The following NRG1 variants were observed in gnomAD, a reference collection of about 807,000 sequenced individuals.
The protein encoded by NRG1 is neuregulin 1.
In NRG1, 18 loss-of-function variants were observed where a neutral mutation model predicts 63.8. The observed-to-expected ratio is 0.28, with a 90% CI of 0.19 to 0.42. The LOEUF is 0.42. Among genes scored for constraint, NRG1 ranks in the 10% least tolerant of loss-of-function variants. NRG1 has a pLI of 1.00. For synonymous variants in NRG1, 302 were observed against 301.3 expected, an observed-to-expected ratio of 1.00 and a Z score of -0.02; for missense variants, 762 against 814.7, an observed-to-expected ratio of 0.94 and a Z score of 0.79.
At chr8:32,495,111 C>G (rs1254745518) in intron 1 of NRG1, among the ~76,000 whole-genome samples, 1 of 152,148 alleles carries the variant, frequency 6.6e-6, no homozygotes, top group African/African-American at 2.4e-5. Context: ...CTAATAATTA[C>G]AGTTAACAGT....
Position 32,761,555 on chromosome 8 carries a change from C to T in NRG1, c.1259+1149C>T, listed in dbSNP as rs149551529. 8.5e-3 allele frequency among the ~76,000 whole-genome samples: 1,156 copies of T among 136,176 alleles called. 10 individuals are homozygous for T. Among genetic ancestry groups the T allele is most frequent in the African/African-American group, 0.029 (1,059 of 36,640 alleles). 89.3% of individuals were successfully genotyped at this position (136,176 alleles called of 152,430 possible). A position where few individuals can be genotyped will look rare whatever the true frequency, so the allele number is the denominator to read the frequency against. ...GCTATTACCTGTTTGTTTGCAAGTC[C>T]GCTGAATTTTATTTTATTTTATTTT... On this transcript the variant is annotated intron_variant, in intron 11 of 11. Coordinates refer to ENST00000356819, the Ensembl canonical transcript of NRG1.
At chr8:31,875,100 C>G (rs1260355443) in intron 1 of NRG1, among the ~76,000 whole-genome samples, 2 of 152,136 alleles carry the variant, frequency 1.3e-5, no homozygotes, top group Admixed American at 6.6e-5. Flanking sequence ...AGCTGCCTTT[C>G]CCCTAATTTC....
exon 5 of NRG1, chr8:32,616,835 A>T: frequency 6.2e-7 from 1 of 1,602,094 alleles, no homozygotes; most frequent in Non-Finnish European, 8.6e-7. Flanking sequence ...TGTTTTATAG[A>T]GTCTCCCATT....
intron 5 of NRG1, among the ~76,000 whole-genome samples, chr8:32,649,652 G>T (rs949082844): frequency 6.6e-6 from 1 of 152,150 alleles, no homozygotes; most frequent in Non-Finnish European, 1.5e-5. Flanking sequence ...AGAAAAACTT[G>T]ATTTGTGCTT....
At chr8:32,690,716 A>T (rs1811363029) in intron 5 of NRG1, among the ~76,000 whole-genome samples, 1 of 151,370 alleles carries the variant, frequency 6.6e-6, no homozygotes, top group South Asian at 2.1e-4. Flanking sequence ...ATACACACAT[A>T]GTTTTTTTTT....
At chr8:32,764,190 A>C in exon 12 of NRG1, 1 of 1,614,164 alleles carries the variant, frequency 6.2e-7, no homozygotes, top group Non-Finnish European at 8.5e-7. Flanking sequence ...CTCCCAGAGC[A>C]GTAACTCAGA....
intron 1 of NRG1, among the ~76,000 whole-genome samples, chr8:32,579,527 C>T (rs544122997): frequency 6.6e-6 from 1 of 152,226 alleles, no homozygotes; most frequent in African/African-American, 2.4e-5. Flanking sequence ...TCTGTGATCC[C>T]TTTGGTATGG....
At chr8:32,274,602 G>A (rs1851896307) in intron 1 of NRG1, among the ~76,000 whole-genome samples, 1 of 152,020 alleles carries the variant, frequency 6.6e-6, no homozygotes, top group Non-Finnish European at 1.5e-5. Context: ...TAATGATTCT[G>A]CCTGCTACAT....
At chr8:32,760,707 G>A in intron 11 of NRG1, 1 of 1,158,914 alleles carries the variant, frequency 8.6e-7, no homozygotes, top group South Asian at 2.5e-5. Context: ...GACCCACTCG[G>A]GGTCTCAGTG....
At chr8:32,626,537 G>A in intron 5 of NRG1, among the ~76,000 whole-genome samples, 1 of 151,998 alleles carries the variant, frequency 6.6e-6, no homozygotes, top group Non-Finnish European at 1.5e-5. Context: ...AAAATTAGCT[G>A]GGCATGGTGG....
intron 1 of NRG1, among the ~76,000 whole-genome samples, chr8:32,116,344 C>T (rs574785503): frequency 2.0e-5 from 3 of 152,084 alleles, no homozygotes; most frequent in African/African-American, 4.8e-5. Flanking sequence ...AAGTGGGATT[C>T]GTCTAAGCAG....
intron 1 of NRG1, among the ~76,000 whole-genome samples, chr8:32,337,653 C>CAGAAAAAAAAAAAAAAA (rs1803455709): frequency 4.0e-5 from 1 of 24,704 alleles, no homozygotes; most frequent in African/African-American, 1.5e-4. Flanking sequence ...AGAGTTATTG[C>CAGAAAAAAAAAAAAAAA]AAAAAAAAAA....
chr8:32,539,844 T>C (rs531494115), intron 1 of NRG1, among the ~76,000 whole-genome samples: 2 of 152,212 alleles, frequency 1.3e-5, no homozygotes, highest in African/African-American at 4.8e-5. Context: ...ACTGAGATTT[T>C]ACTATGAGTC....
At chr8:31,887,497 G>A (rs1218145843) in intron 1 of NRG1, among the ~76,000 whole-genome samples, 4 of 152,010 alleles carry the variant, frequency 2.6e-5, no homozygotes, top group Non-Finnish European at 5.9e-5. Context: ...AAAGGTACTC[G>A]AGTTCCTAGC....
intron 1 of NRG1, among the ~76,000 whole-genome samples, chr8:32,039,008 G>A (rs186371656): frequency 6.6e-6 from 1 of 152,130 alleles, no homozygotes; most frequent in East Asian, 1.9e-4. Context: ...AACACTGACC[G>A]GACAAGTAAG....
intron 1 of NRG1, among the ~76,000 whole-genome samples, chr8:32,249,602 C>T (rs971451897): frequency 6.6e-6 from 1 of 152,090 alleles, no homozygotes; most frequent in South Asian, 2.1e-4. Context: ...AAAACCAAAG[C>T]CAGTGCCAGA....
chr8:31,876,528 G>C (rs777424244), intron 1 of NRG1, among the ~76,000 whole-genome samples: 2 of 152,138 alleles, frequency 1.3e-5, no homozygotes, highest in Non-Finnish European at 2.9e-5. Flanking sequence ...GGTTGAGAGA[G>C]TGAATAAATG....
chr8:32,454,410 A>C (rs1415771683), intron 1 of NRG1, among the ~76,000 whole-genome samples: 1 of 151,898 alleles, frequency 6.6e-6, no homozygotes, highest in East Asian at 1.9e-4. Context: ...CTTTTTTGAC[A>C]TGTATTATTT....
intron 1 of NRG1, among the ~76,000 whole-genome samples, chr8:31,855,436 C>A (rs572154885): frequency 1.3e-5 from 2 of 152,072 alleles, no homozygotes; most frequent in South Asian, 4.2e-4. Flanking sequence ...GATTGCAACC[C>A]CTGCCTTTTT....
Sources: allele counts gnomAD v4.1 joint callset (sites outside exome capture counted in the v4.1 genomes callset), GRCh38; gene constraint gnomAD v4.1.1; transcripts MANE v1.5; gene names NCBI Gene and HGNC (gene_info 2026-07-23, HGNC 2026-07-21).